Variants in FBXO33 observed in about 807,000 individuals in gnomAD.
The protein encoded by FBXO33 is F-box protein 33.
FBXO33 carries 22 observed loss-of-function variants against 46.3 expected under a neutral mutation model. The observed-to-expected ratio is 0.48, with a 90% CI of 0.34 to 0.68. The LOEUF is 0.68. FBXO33 is among the 30% of genes least tolerant of loss of function. The pLI, the probability that FBXO33 is intolerant of heterozygous loss-of-function variation, is 0.01. For synonymous variants in FBXO33, 337 were observed against 291.3 expected (o/e 1.16, Z -1.60); for missense variants, 692 against 708.8 (o/e 0.98, Z 0.27).
Position 39,431,606 on chromosome 14 carries a change from A to G in FBXO33, c.557T>C (p.Leu186Ser), listed in dbSNP as rs2075552784. The change falls in exon 1 of 4, where the codon TTG becomes TCG. Residue 186 changes from leucine to serine, a missense_variant. Physicochemically the swap from Leu to Ser is moderately radical, Grantham distance 145. Transcript: ENST00000298097. The stretch of plus-strand genomic sequence containing the variant: ...GACCAGCACGCAAAGCACCAGCTCC[A>G]AGTAGGTGCGCAGCACTTCCAGCCA... ...ARWLEVLRTY[L>S]ELVLCVLVSI... 11 of 1,613,432 alleles carry G rather than the reference A, an allele frequency of 6.8e-6. No homozygotes were observed. The highest frequency in any genetic ancestry group is 9.3e-6 in the Non-Finnish European group (11 of 1,180,022).
rs546939125 is a variant in FBXO33 at position 39,402,847 on chromosome 14, T to C, written c.600-336A>G. On this transcript the variant is annotated intron_variant, in intron 1 of 3. Transcript: ENST00000298097. ...ACAGGCGCCCGCCACCATGCCCGGC[T>C]AATTTTTTTGTATTTTTAGTAGAGA... 1.4e-3 allele frequency among the ~76,000 whole-genome samples: 208 copies of C among 152,240 alleles called. 1 individual carries two copies. The highest frequency in any genetic ancestry group is 4.4e-3 in the African/African-American group (183 of 41,550).
Position 39,402,526 on chromosome 14 carries a change from A to G in FBXO33, c.600-15T>C. 1 of 1,284,816 alleles carries G rather than the reference A, an allele frequency of 7.8e-7. No homozygotes were observed. The highest frequency in any genetic ancestry group is 1.1e-6 in the Non-Finnish European group (1 of 952,058). The allele number at this position is 1,284,816 out of a possible 1,614,324, so 79.6% of individuals were successfully genotyped here. Reference sequence around the variant, plus strand: ...TCTGAAGGTTCCTACAAGAACAATCATTTAAAATGATTTGCTAAATAATTT... The same window carrying G: ...TCTGAAGGTTCCTACAAGAACAATCGTTTAAAATGATTTGCTAAATAATTT... On this transcript the variant is annotated splice_polypyrimidine_tract_variant and intron_variant, in intron 1 of 3. Coordinates refer to ENST00000298097, the MANE Select transcript of FBXO33 (RefSeq NM_203301.4).
intron 1 of FBXO33, among the ~76,000 whole-genome samples, chr14:39,404,100 G>A (rs573505450): frequency 2.0e-5 from 3 of 152,026 alleles, no homozygotes; most frequent in Non-Finnish European, 4.4e-5. Flanking sequence ...TTAATTTCAC[G>A]GAAAAGCCCA....
chr14:39,416,096 A>G (rs932013070), intron 1 of FBXO33, among the ~76,000 whole-genome samples: 4 of 152,080 alleles, frequency 2.6e-5, no homozygotes, highest in Non-Finnish European at 5.9e-5. Flanking sequence ...GCTTTGTGTT[A>G]TTTATTGTTC....
At position 39,398,292 on chromosome 14, in the gene FBXO33, C is replaced by CAGTT. The variant is rs1259698105; in HGVS notation, c.*1220_*1223dup. ...CGTCTGTACCGCGGTTGCCCTGAAA[C>CAGTT]AGTTAATAGGCTTTTAAAGCCTCTC... On this transcript the variant is annotated 3_prime_UTR_variant, in exon 4 of 4. Transcript: ENST00000298097. The CAGTT allele has an allele frequency of 6.6e-6, 1 of 152,626 alleles. No individual in the cohort carries two copies. Among genetic ancestry groups the CAGTT allele is most frequent in the Non-Finnish European group, 1.5e-5 (1 of 68,044 alleles). 9.5% of individuals were successfully genotyped at this position (152,626 alleles called of 1,614,324 possible). A position where few individuals can be genotyped will look rare whatever the true frequency, so the allele number is the denominator to read the frequency against.
In FBXO33 at chr14:39,401,254, G is replaced by C. The variant is rs1567072034; in HGVS notation, c.1318C>G (p.Leu440Val). Residue 440 changes from leucine to valine, a missense_variant, in exon 3 of 4, where the codon CTT becomes GTT. By Grantham distance (32) the Leu-to-Val change is conservative (BLOSUM62 1). Transcript: ENST00000298097. The part of the protein sequence containing the change: ...DVIDTSGFPD[L>V]SDNRNEDPLV... ...GGATCTTCATTTCGGTTGTCACTAA[G>C]ATCTGGAAAACCAGATGTGTCAATC... The C allele has an allele frequency of 6.2e-7, 1 of 1,613,854 alleles. No individual in the cohort carries two copies. The highest frequency in any genetic ancestry group is 2.2e-5 in the East Asian group (1 of 44,858).
chr14:39,431,357 G>A (rs2075547902), intron 1 of FBXO33, among the ~76,000 whole-genome samples: 1 of 152,070 alleles, frequency 6.6e-6, no homozygotes, highest in Non-Finnish European at 1.5e-5. Context: ...TAAACACCCC[G>A]TCCACCACTG....
At chr14:39,409,217 C>G (rs2139406858) in intron 1 of FBXO33, among the ~76,000 whole-genome samples, 1 of 152,216 alleles carries the variant, frequency 6.6e-6, no homozygotes, top group South Asian at 2.1e-4. Context: ...TTTACAGTTT[C>G]AGAATTTATA....
rs72677610 is a variant in FBXO33, at chr14:39,432,392, G to T, written c.-230C>A. 5 of 275,602 alleles carry T rather than the reference G, an allele frequency of 1.8e-5. No homozygotes were observed. The highest frequency in any genetic ancestry group is 3.3e-5 in the Non-Finnish European group (5 of 149,434). 17.1% of individuals were successfully genotyped at this position (275,602 alleles called of 1,614,324 possible). A position where few individuals can be genotyped will look rare whatever the true frequency, so the allele number is the denominator to read the frequency against. On this transcript the variant is annotated 5_prime_UTR_variant, in exon 1 of 4. Coordinates refer to ENST00000298097, the MANE Select transcript of FBXO33 (RefSeq NM_203301.4). ...GCCTCAAGGCGTACTGTAAGGAAAA[G>T]GCAGCCCTCCCTGCGCCGGTCGGCA... is the stretch of plus-strand genomic sequence containing the variant.
chr14:39,418,338 C>G (rs968981288), intron 1 of FBXO33, among the ~76,000 whole-genome samples: 3 of 151,544 alleles, frequency 2.0e-5, no homozygotes, highest in African/African-American at 7.3e-5. Context: ...GCTGGGATTA[C>G]AGGCCGGAGC....
At chr14:39,418,910 C>G (rs946489497) in intron 1 of FBXO33, among the ~76,000 whole-genome samples, 4 of 152,114 alleles carry the variant, frequency 2.6e-5, no homozygotes, top group African/African-American at 9.7e-5. Context: ...ATATGCCATT[C>G]AAAGGGAACT....
intron 1 of FBXO33, among the ~76,000 whole-genome samples, chr14:39,423,806 T>C (rs561048851): frequency 7.4e-4 from 112 of 152,284 alleles, no homozygotes; most frequent in Non-Finnish European, 1.3e-3. Flanking sequence ...GTTCTGTTTC[T>C]TTTTAAAAAG....
chr14:39,398,006 C>T lies in FBXO33; in HGVS notation c.*1510G>A, dbSNP rs992307139. 6.6e-6 allele frequency: 1 copy of T among 152,622 alleles called. No homozygotes were observed. Among genetic ancestry groups the T allele is most frequent in the Non-Finnish European group, 1.5e-5 (1 of 68,046 alleles). The allele number at this position is 152,622 out of a possible 1,614,324, so 9.5% of individuals were successfully genotyped here. The stretch of plus-strand genomic sequence containing the variant: ...CTCACTGGAGACAAAACAGTGCACA[C>T]CTGTCAAAAGGTCATTTTAATATAA... On this transcript the variant is annotated 3_prime_UTR_variant, in exon 4 of 4. Coordinates refer to ENST00000298097, the MANE Select transcript of FBXO33 (RefSeq NM_203301.4).
At chr14:39,412,609 T>C (rs1437761191) in intron 1 of FBXO33, among the ~76,000 whole-genome samples, 1 of 141,032 alleles carries the variant, frequency 7.1e-6, no homozygotes, top group African/African-American at 2.6e-5. Context: ...TTCATTCCTT[T>C]CTTCTCTTGC....
At chr14:39,419,877 C>T (rs2075472214) in intron 1 of FBXO33, among the ~76,000 whole-genome samples, 1 of 152,114 alleles carries the variant, frequency 6.6e-6, no homozygotes, top group Admixed American at 6.5e-5. Context: ...ATTTACTAGT[C>T]CCTATGTAAA....
At chr14:39,421,387 T>G (rs969903771) in intron 1 of FBXO33, among the ~76,000 whole-genome samples, 4 of 152,000 alleles carry the variant, frequency 2.6e-5, no homozygotes, top group Non-Finnish European at 5.9e-5. Flanking sequence ...CACAGGTGAT[T>G]AGACCACTGA....
rs2075360165 is a variant in FBXO33, at chr14:39,399,737, A to G, written c.1447T>C (p.Ser483Pro). 6.2e-7 allele frequency: 1 copy of G among 1,611,872 alleles called. No homozygotes were observed. The highest frequency in any genetic ancestry group is 8.5e-7 in the Non-Finnish European group (1 of 1,178,178). ...GTGACTTCAAGCACTTTCAGATCAGAGCCCCGAAGACGAGCAATGGCAATG... is the reference window on the plus strand; with the variant it reads ...GTGACTTCAAGCACTTTCAGATCAGGGCCCCGAAGACGAGCAATGGCAATG... Reference protein sequence around the residue: ...NLIAIARLRGSDLKVLEVTEE... With the variant: ...NLIAIARLRGPDLKVLEVTEE... Residue 483 changes from serine to proline, a missense_variant, in exon 4 of 4, where the codon TCT becomes CCT. Ser to Pro is a moderately conservative substitution (Grantham distance 74). Transcript: ENST00000298097.
intron 1 of FBXO33, among the ~76,000 whole-genome samples, chr14:39,422,047 C>G (rs1001763959): frequency 6.6e-6 from 1 of 152,090 alleles, no homozygotes; most frequent in African/African-American, 2.4e-5. Context: ...TGCCTGAGCT[C>G]AGGAGTTCGA....
rs1422462491 is a variant in FBXO33, at chr14:39,431,965, C to A, written c.198G>T (p.Ala66=). The change falls in exon 1 of 4, where the codon GCG becomes GCT. Residue 66 remains alanine (A), a synonymous_variant. Transcript: ENST00000298097. The stretch of plus-strand genomic sequence containing the variant: ...GCTCGCTGGGCAGCGACGCAGCGCC[C>A]GCCGCCTGCCCGCACAGAGCCATCC... The part of the protein sequence containing the change: ...RGRMALCGQA[A]GAASLPSELI... 4 of 1,527,004 alleles carry A rather than the reference C, an allele frequency of 2.6e-6. No homozygotes were observed. The highest frequency in any genetic ancestry group is 2.7e-5 in the African/African-American group (2 of 72,816). The allele number at this position is 1,527,004 out of a possible 1,614,324, so 94.6% of individuals were successfully genotyped here.
Sources: allele counts gnomAD v4.1 joint callset (sites outside exome capture counted in the v4.1 genomes callset), GRCh38; gene constraint gnomAD v4.1.1; transcripts MANE v1.5; gene names NCBI Gene and HGNC (gene_info 2026-07-23, HGNC 2026-07-21).